Variants in ATAD2B observed in about 807,000 individuals in gnomAD.
ATAD2B encodes the protein ATPase family AAA domain containing 2B, also known as ATPase family AAA domain-containing protein 2B.
In ATAD2B, 40 loss-of-function variants were observed where a neutral mutation model predicts 167.6. The observed-to-expected ratio is 0.24, with a 90% CI of 0.19 to 0.31. The LOEUF is 0.31. ATAD2B is among the 10% of genes least tolerant of loss of function. The pLI, the probability that ATAD2B is intolerant of heterozygous loss-of-function variation, is 1.00. For missense variants in ATAD2B, 1,242 were observed against 1,757.2 expected (o/e 0.71, Z 5.24); for synonymous variants, 579 against 596.5 (o/e 0.97, Z 0.43).
the ATAD2B span, among the ~76,000 whole-genome samples, chr2:23,722,825 C>T: frequency 3.9e-5 from 6 of 152,112 alleles, no homozygotes; most frequent in African/African-American, 1.4e-4. Context: ...TTAAAAGCAG[C>T]AAGAGAAAAC....
chr2:23,851,669 TG>T (rs1265380411), intron 13 of ATAD2B, among the ~76,000 whole-genome samples: 5 of 152,342 alleles, frequency 3.3e-5, no homozygotes, highest in South Asian at 4.1e-4. Context: ...ATACATTCTA[TG>T]GGTTTGGACA....
chr2:23,690,833 T>C, the ATAD2B span: 1 of 152,316 alleles, frequency 6.6e-6, no homozygotes. Flanking sequence ...TGTATTCCTG[T>C]AGACACCAGA....
chr2:23,765,598 A>G lies in ATAD2B; in HGVS notation c.3164T>C (p.Leu1055Pro). ...DKIIRHRACT[L>P]KDTAHAIIAA... ...AATGATAGCATGTGCAGTGTCCTTCAGGGTACAAGCCCTGTGCCTAATTAT... is the reference window on the plus strand; with the variant it reads ...AATGATAGCATGTGCAGTGTCCTTCGGGGTACAAGCCCTGTGCCTAATTAT... Residue 1055 changes from leucine to proline, a missense_variant, in exon 23 of 28, where the codon CTG becomes CCG. Physicochemically the swap from Leu to Pro is moderately conservative, Grantham distance 98. Around this residue, in one of 9 missense-constraint regions of ATAD2B, gnomAD observed 204 missense variants for 324.0 expected, o/e 0.63. Transcript: ENST00000238789. The G allele has an allele frequency of 6.4e-7, 1 of 1,553,696 alleles. No individual in the cohort carries two copies. Among genetic ancestry groups the G allele is most frequent in the Non-Finnish European group, 8.7e-7 (1 of 1,144,558 alleles).
rs142901500 is a variant in ATAD2B at position 23,787,814 on chromosome 2, G to C, written c.2776+698C>G. On this transcript the variant is annotated intron_variant, in intron 20 of 27. Coordinates refer to ENST00000238789, the MANE Select transcript of ATAD2B (RefSeq NM_017552.4). ...AAGAGGCTGAAAGATTAAGCAGGTA[G>C]ATCTTATCCTTTACACATCTTTAAG... Among the ~76,000 whole-genome samples, 74 of 152,118 alleles carry C rather than the reference G, an allele frequency of 4.9e-4. No homozygotes were observed. In the East Asian group the frequency reaches 0.012, roughly 24 times the overall value.
intron 13 of ATAD2B, chr2:23,856,547 A>G: frequency 4.3e-6 from 1 of 234,562 alleles, no homozygotes; most frequent in South Asian, 4.4e-5. Context: ...GGGGAGTGAA[A>G]AAGAATAAAA....
chr2:23,878,624 A>C (rs1697403904), intron 7 of ATAD2B, among the ~76,000 whole-genome samples: 1 of 152,166 alleles, frequency 6.6e-6, no homozygotes, highest in Non-Finnish European at 1.5e-5. Context: ...ATGCCACTGC[A>C]CTCCAGCCTG....
intron 1 of ATAD2B, among the ~76,000 whole-genome samples, chr2:23,896,867 T>C (rs886235306): frequency 6.6e-6 from 1 of 152,242 alleles, no homozygotes. Flanking sequence ...CCAGGTGCAG[T>C]GGCTCATGCA....
Position 23,823,313 on chromosome 2 carries a change from T to A in ATAD2B, c.2076A>T (p.Ala692=). 2 of 1,613,754 alleles carry A rather than the reference T, an allele frequency of 1.2e-6. No homozygotes were observed. Among genetic ancestry groups the A allele is most frequent in the Non-Finnish European group, 1.7e-6 (2 of 1,179,738 alleles). ...LLERSFNNIL[A]VLQKVFPHAE... is the part of the protein sequence containing the mutation. ...CATGAGGAAACACTTTTTGCAAGAC[T>A]GCTAGGATGTTGTTGAAGCTTCTTT... Residue 692 remains alanine, a synonymous_variant, in exon 16 of 28, where the codon GCA becomes GCT. Coordinates refer to ENST00000238789, the MANE Select transcript of ATAD2B (RefSeq NM_017552.4).
Position 23,754,382 on chromosome 2 carries a change from A to C in ATAD2B, c.4207-75T>G, listed in dbSNP as rs953347507. The C allele has an allele frequency of 2.1e-6, 3 of 1,406,156 alleles. No homozygotes were observed. In the African/African-American group the frequency reaches 4.4e-5, roughly 21 times the overall value. 87.1% of individuals were successfully genotyped at this position (1,406,156 alleles called of 1,614,324 possible). ...ACTGAAATTGTATATTCAAATGGCTAGTCAATAAACACCATAAAGCGAGGA... is the reference window on the plus strand; with the variant it reads ...ACTGAAATTGTATATTCAAATGGCTCGTCAATAAACACCATAAAGCGAGGA... On this transcript the variant is annotated intron_variant, in intron 26 of 27. Transcript: ENST00000238789.
intron 21 of ATAD2B, among the ~76,000 whole-genome samples, chr2:23,784,131 G>A (rs1680465475): frequency 6.6e-6 from 1 of 151,866 alleles, no homozygotes; most frequent in Non-Finnish European, 1.5e-5. Context: ...CCTGCTTCTG[G>A]TATTTGACAT....
In ATAD2B at chr2:23,749,415, T is replaced by C. The variant is rs201623734; in HGVS notation, c.*2631A>G. Reference sequence around the variant, plus strand: ...ATAAGAACAGAGGTCAATTTGTACATATTTTTGCCAATGCTATACAGCAAA... The same window carrying C: ...ATAAGAACAGAGGTCAATTTGTACACATTTTTGCCAATGCTATACAGCAAA... On this transcript the variant is annotated 3_prime_UTR_variant, in exon 28 of 28. Transcript: ENST00000238789. 1 of 152,198 alleles carries C rather than the reference T, an allele frequency of 6.6e-6. No homozygotes were observed. The highest frequency in any genetic ancestry group is 1.5e-5 in the Non-Finnish European group (1 of 68,022). The allele number at this position is 152,198 out of a possible 1,614,324, so 9.4% of individuals were successfully genotyped here. A position where few individuals can be genotyped will look rare whatever the true frequency, so the allele number is the denominator to read the frequency against.
rs867522899 is a variant in ATAD2B, at chr2:23,757,596, A to C, written c.3900T>G (p.Asp1300Glu). The change falls in exon 25 of 28, where the codon GAT becomes GAG. Residue 1300 changes from aspartate (D) to glutamate (E), a missense_variant. Coordinates refer to ENST00000238789, the MANE Select transcript of ATAD2B (RefSeq NM_017552.4). ...GAATCTTTTGTTCAGAACTACATTT[A>C]TCTCCACTATCACAGAAAGAAACTA... ...LEVVSFCDSG[D>E]KCSSEQKILL... 10 of 1,613,620 alleles carry C rather than the reference A, an allele frequency of 6.2e-6. No individual in the cohort carries two copies. The Middle Eastern group carries it at 9.9e-4, about 160-fold the overall frequency.
At chr2:23,902,209 T>C (rs909172632) in intron 1 of ATAD2B, among the ~76,000 whole-genome samples, 2 of 152,188 alleles carry the variant, frequency 1.3e-5, no homozygotes, top group African/African-American at 4.8e-5. Flanking sequence ...TCAAGTATAA[T>C]ACAAAGCACA....
intron 13 of ATAD2B, among the ~76,000 whole-genome samples, chr2:23,838,466 G>T (rs970235629): frequency 3.3e-5 from 5 of 151,752 alleles, no homozygotes; most frequent in Non-Finnish European, 5.9e-5. Context: ...AAAAAAATCT[G>T]AATGGCCAAC....
At chr2:23,800,455 A>G (rs757724588) in intron 18 of ATAD2B, among the ~76,000 whole-genome samples, 5 of 152,262 alleles carry the variant, frequency 3.3e-5, no homozygotes, top group East Asian at 1.9e-4. Context: ...GAGCAAAGCA[A>G]CAGAAGGTTA....
chr2:23,809,457 G>A lies in ATAD2B; in HGVS notation c.2454+859C>T, dbSNP rs140812748. Reference sequence around the variant, plus strand: ...CAATGTAGGAAATGGCTTTCAGTTAGATAATTACAGTATATGTGTTAAGTA... The same window carrying A: ...CAATGTAGGAAATGGCTTTCAGTTAAATAATTACAGTATATGTGTTAAGTA... On this transcript the variant is annotated intron_variant, in intron 18 of 27. Coordinates refer to ENST00000238789, the MANE Select transcript of ATAD2B (RefSeq NM_017552.4). 1.8e-3 allele frequency among the ~76,000 whole-genome samples: 268 copies of A among 152,192 alleles called. 1 individual carries two copies. Among genetic ancestry groups the A allele is most frequent in the African/African-American group, 6.2e-3 (258 of 41,536 alleles).
intron 13 of ATAD2B, among the ~76,000 whole-genome samples, chr2:23,851,996 A>G: frequency 6.6e-6 from 1 of 152,098 alleles, no homozygotes; most frequent in African/African-American, 2.4e-5. Context: ...TTTAGGCATT[A>G]AGGAGATAAC....
At chr2:23,888,292 G>T in intron 3 of ATAD2B, 58 bp downstream of exon 3, 2 of 1,219,958 alleles carry the variant, frequency 1.6e-6, no homozygotes, top group Non-Finnish European at 2.3e-6. Context: ...CCACTTTACT[G>T]CTTTCTCTAA....
the ATAD2B span, chr2:23,688,923 G>C: frequency 1.3e-5 from 2 of 152,352 alleles, no homozygotes; most frequent in African/African-American, 4.8e-5. Flanking sequence ...CATCACGGGG[G>C]TGTCCCCTCT....
Sources: allele counts gnomAD v4.1 joint callset (sites outside exome capture counted in the v4.1 genomes callset), GRCh38; gene constraint gnomAD v4.1.1; regional missense constraint gnomAD v4.1.1; transcripts MANE v1.5; gene names NCBI Gene and HGNC (gene_info 2026-07-23, HGNC 2026-07-21).